The following MON2 variants were observed in gnomAD, a reference collection of about 807,000 sequenced individuals.
The protein encoded by MON2 is protein MON2 homolog.
In MON2, 84 loss-of-function variants were observed where a neutral mutation model predicts 208.6. The observed-to-expected ratio is 0.40, with a 90% CI of 0.34 to 0.48. The LOEUF (loss-of-function observed/expected upper bound fraction) is 0.48. Ranked by LOEUF, MON2 falls within the 20% of genes least tolerant of loss-of-function variation. The pLI, the probability that MON2 is intolerant of heterozygous loss-of-function variation, is 0.59. For missense variants in MON2, 1,611 were observed against 2,015.4 expected (o/e 0.80, Z 3.84); for synonymous variants, 660 against 694.0 (o/e 0.95, Z 0.77).
intron 32 of MON2, 125 bp downstream of exon 32, chr12:62,580,545 G>A (rs1353122447): frequency 1.3e-5 from 10 of 758,130 alleles, no homozygotes; most frequent in South Asian, 2.0e-5. Flanking sequence ...TTTTAGGATT[G>A]TAATATAGAA....
chr12:62,591,177 GA>G (rs1565721926), intron 34 of MON2, among the ~76,000 whole-genome samples: 1 of 152,170 alleles, frequency 6.6e-6, no homozygotes, highest in Non-Finnish European at 1.5e-5. Context: ...AAACTTCTTA[GA>G]CAGTGGCTTT....
At chr12:62,475,327 C>G (rs2069011683) in intron 1 of MON2, among the ~76,000 whole-genome samples, 1 of 152,064 alleles carries the variant, frequency 6.6e-6, no homozygotes, top group Non-Finnish European at 1.5e-5. Context: ...ACCCCCACCT[C>G]CCAGGTTCAA....
chr12:62,571,340 TTG>T, intron 29 of MON2, 50 bp from the exon 30 acceptor site: 2 of 1,247,120 alleles, frequency 1.6e-6, no homozygotes, highest in South Asian at 3.8e-5. Flanking sequence ...TTAATTAAAA[TTG>T]TGTGTGTATG....
rs981232790 is a variant in MON2 at position 62,594,827 on chromosome 12, T to C, written c.*2078T>C. The C allele has an allele frequency of 6.6e-6, 1 of 152,168 alleles. No homozygotes were observed. Among genetic ancestry groups the C allele is most frequent in the Admixed American group, 6.5e-5 (1 of 15,268 alleles). The allele number at this position is 152,168 out of a possible 1,614,324, so 9.4% of individuals were successfully genotyped here. The stretch of plus-strand genomic sequence containing the variant: ...ATAATAAGGTAATAAATGCCAGTCT[T>C]AGTGTGAAGCAAGTGGGTGGCCCCC... On this transcript the variant is annotated 3_prime_UTR_variant, in exon 35 of 35. Coordinates refer to ENST00000393630, the MANE Select transcript of MON2 (RefSeq NM_015026.3).
Position 62,467,048 on chromosome 12 carries a change from G to A in MON2, c.-160G>A, listed in dbSNP as rs2068550565. The stretch of plus-strand genomic sequence containing the variant: ...CAGAGGTGTTGCGGGGAAGCTGCTG[G>A]GGGACGCTCGAGCAGGCTCCGGGTT... On this transcript the variant is annotated 5_prime_UTR_variant, in exon 1 of 35. Transcript: ENST00000393630. 3 of 602,860 alleles carry A rather than the reference G, an allele frequency of 5.0e-6. No individual in the cohort carries two copies. Among genetic ancestry groups the A allele is most frequent in the Non-Finnish European group, 8.8e-6 (3 of 341,492 alleles). 37.3% of individuals were successfully genotyped at this position (602,860 alleles called of 1,614,324 possible). A position where few individuals can be genotyped will look rare whatever the true frequency, so the allele number is the denominator to read the frequency against.
In MON2 at chr12:62,537,599, T is replaced by C; in HGVS notation, c.2014-3T>C. 6.3e-7 allele frequency: 1 copy of C among 1,595,160 alleles called. No homozygotes were observed. Among genetic ancestry groups the C allele is most frequent in the Non-Finnish European group, 8.6e-7 (1 of 1,168,690 alleles). ...TTGAAAATGTATCCTTTTTAAAATATAGCTGACTTCCAAAAATATCCAGTG... is the reference window on the plus strand; with the variant it reads ...TTGAAAATGTATCCTTTTTAAAATACAGCTGACTTCCAAAAATATCCAGTG... On this transcript the variant is annotated splice_polypyrimidine_tract_variant and splice_region_variant and intron_variant, in intron 15 of 34. Coordinates refer to ENST00000393630, the MANE Select transcript of MON2 (RefSeq NM_015026.3).
At chr12:62,564,951 A>T (rs2074325540) in intron 26 of MON2, 1 of 258,322 alleles carries the variant, frequency 3.9e-6, no homozygotes, top group East Asian at 1.1e-4. Context: ...CAGATTGTAG[A>T]ACCTGAGGAC....
chr12:62,495,313 G>A (rs748579842), intron 4 of MON2, among the ~76,000 whole-genome samples, 166 bp downstream of exon 4: 61 of 152,126 alleles, frequency 4.0e-4, no homozygotes, highest in Non-Finnish European at 6.8e-4. Context: ...ATTTTTTCCA[G>A]GTTAGAGTTG....
At chr12:62,547,656 C>T (rs1378730438) in intron 22 of MON2, among the ~76,000 whole-genome samples, 1 of 152,130 alleles carries the variant, frequency 6.6e-6, no homozygotes, top group Non-Finnish European at 1.5e-5. Flanking sequence ...TATAGTTATA[C>T]GCTGCCTAAC....
chr12:62,491,105 C>T (rs1323658548), intron 2 of MON2, among the ~76,000 whole-genome samples: 1 of 152,118 alleles, frequency 6.6e-6, no homozygotes, highest in Admixed American at 6.6e-5. Flanking sequence ...AGTTGAGTTG[C>T]ATGCATTGTT....
chr12:62,478,336 G>A (rs907618976), intron 1 of MON2, among the ~76,000 whole-genome samples: 1 of 152,106 alleles, frequency 6.6e-6, no homozygotes, highest in Non-Finnish European at 1.5e-5. Flanking sequence ...AGATGAATAA[G>A]ATAAAGTGTT....
chr12:62,510,188 G>C lies in MON2; in HGVS notation c.984+1708G>C, dbSNP rs138448466. Reference sequence around the variant, plus strand: ...GAAAAACCTTCCAACAAAGAAAAGTGCAAGAACAGATGACTTCACTGGAAA... The same window carrying C: ...GAAAAACCTTCCAACAAAGAAAAGTCCAAGAACAGATGACTTCACTGGAAA... On this transcript the variant is annotated intron_variant, in intron 8 of 34. Transcript: ENST00000393630. Among the ~76,000 whole-genome samples the C allele has an allele frequency of 4.6e-4, 70 of 152,230 alleles. 1 individual carries two copies. The highest frequency in any genetic ancestry group is 1.7e-3 in the African/African-American group (69 of 41,558).
At chr12:62,508,628 G>A in intron 8 of MON2, 148 bp downstream of exon 8, 1 of 637,240 alleles carries the variant, frequency 1.6e-6, no homozygotes, top group Admixed American at 2.8e-5. Flanking sequence ...TACTCTAAAG[G>A]TTTGTTCTAT....
At chr12:62,547,184 C>A in intron 22 of MON2, 112 bp downstream of exon 22, 1 of 683,870 alleles carries the variant, frequency 1.5e-6, no homozygotes, top group East Asian at 3.5e-5. Flanking sequence ...ATCCTAAAAT[C>A]TTGAAATAGT....
intron 25 of MON2, chr12:62,560,267 T>A: frequency 2.3e-6 from 1 of 432,068 alleles, no homozygotes; most frequent in Non-Finnish European, 4.1e-6. Flanking sequence ...ATCATCCTCC[T>A]CTTGGTGCCC....
Position 62,467,331 on chromosome 12 carries a change from T to C in MON2, c.111+13T>C, listed in dbSNP as rs6581450. On this transcript the variant is annotated intron_variant, in intron 1 of 34. Transcript: ENST00000393630. ...ACCTGTCAAAGAGGTAAGCTTCAGG[T>C]GACGTCAGGAGAAGGCACTGTGAGC... The C allele has an allele frequency of 0.64, 1,036,859 of 1,608,292 alleles. 335,678 individuals carry two copies. Among genetic ancestry groups the C allele is most frequent in the African/African-American group, 0.79 (58,914 of 74,886 alleles).
intron 7 of MON2, among the ~76,000 whole-genome samples, chr12:62,502,088 C>T (rs533256915): frequency 1.1e-3 from 168 of 151,978 alleles, no homozygotes; most frequent in Non-Finnish European, 1.8e-3. Flanking sequence ...GGCGTGATGG[C>T]GGGTGCCTGT....
intron 20 of MON2, among the ~76,000 whole-genome samples, chr12:62,543,425 G>A (rs891461091): frequency 1.3e-5 from 2 of 152,120 alleles, no homozygotes; most frequent in African/African-American, 4.8e-5. Context: ...ACATTTTAAA[G>A]TGAGAAATAT....
At chr12:62,575,978 A>G (rs1164247682) in intron 30 of MON2, among the ~76,000 whole-genome samples, 1 of 152,202 alleles carries the variant, frequency 6.6e-6, no homozygotes, top group Admixed American at 6.5e-5. Context: ...GTTTACACAA[A>G]AACTTGTACA....
Sources: gnomAD v4.1 joint callset for allele counts (sites outside exome capture counted in the v4.1 genomes callset) on GRCh38, gnomAD v4.1.1 for gene constraint, MANE v1.5 for transcripts, NCBI Gene and HGNC (gene_info 2026-07-23, HGNC 2026-07-21) for gene names.